TULP4: variants seen among roughly 807,000 people sequenced by gnomAD.
The protein encoded by TULP4 is tubby-related protein 4.
A neutral mutation model predicts 129.0 loss-of-function variants in TULP4; 16 were observed. The observed-to-expected ratio is 0.12, with a 90% CI of 0.08 to 0.19. The LOEUF is 0.19. Among genes scored for constraint, TULP4 ranks in the 10% least tolerant of loss-of-function variants. TULP4 has a pLI of 1.00. For missense variants in TULP4, 1,842 were observed against 2,059.1 expected, an observed-to-expected ratio of 0.89 and a Z score of 2.04; for synonymous variants, 998 against 854.0, an observed-to-expected ratio of 1.17 and a Z score of -2.94.
chr6:158,262,277 G>A (rs1191190965), intron 1 of TULP4, among the ~76,000 whole-genome samples: 2 of 152,186 alleles, frequency 1.3e-5, no homozygotes, highest in African/African-American at 4.8e-5. Context: ...TTTGTAGGTT[G>A]GCGCAGCTTT....
chr6:158,364,866 T>G (rs1425348166), intron 1 of TULP4, among the ~76,000 whole-genome samples: 1 of 151,988 alleles, frequency 6.6e-6, no homozygotes, highest in Non-Finnish European at 1.5e-5. Context: ...CCTTCCGAGT[T>G]GTGGGACTAC....
At chr6:158,244,951 C>T (rs1388804106) in intron 1 of TULP4, among the ~76,000 whole-genome samples, 2 of 152,050 alleles carry the variant, frequency 1.3e-5, no homozygotes, top group Non-Finnish European at 2.9e-5. Flanking sequence ...CTTAAGACAG[C>T]ATTTTTCAGT....
chr6:158,453,790 GAA>G (rs1184468061), intron 5 of TULP4, among the ~76,000 whole-genome samples: 2 of 112,878 alleles, frequency 1.8e-5, no homozygotes, highest in African/African-American at 3.5e-5. Context: ...CTCTGTCTCG[GAA>G]AAAAAAAAAA....
chr6:158,235,562 G>A (rs979719768), intron 1 of TULP4, among the ~76,000 whole-genome samples: 1 of 152,166 alleles, frequency 6.6e-6, no homozygotes, highest in Non-Finnish European at 1.5e-5. Context: ...TGCCCAGGCT[G>A]GTCTTGAACT....
chr6:158,378,603 G>A (rs780214030), intron 1 of TULP4, among the ~76,000 whole-genome samples: 1 of 151,184 alleles, frequency 6.6e-6, no homozygotes, highest in Non-Finnish European at 1.5e-5. Flanking sequence ...CGATTCTCCA[G>A]CCTCCCGAGT....
chr6:158,433,631 A>C (rs1212061363), intron 3 of TULP4, among the ~76,000 whole-genome samples: 1 of 152,190 alleles, frequency 6.6e-6, no homozygotes, highest in Non-Finnish European at 1.5e-5. Context: ...GAATTACTTG[A>C]ACCCAGGAGG....
At chr6:158,233,067 C>T (rs1225282535) in intron 1 of TULP4, among the ~76,000 whole-genome samples, 1 of 152,168 alleles carries the variant, frequency 6.6e-6, no homozygotes, top group African/African-American at 2.4e-5. Flanking sequence ...GAGGTGTCTA[C>T]TTCTTCCTGT....
chr6:158,479,796 T>C lies in TULP4; in HGVS notation c.1072T>C (p.Leu358=), dbSNP rs142094605. The change falls in exon 7 of 14, where the codon TTG becomes CTG. Residue 358 remains leucine (L), a synonymous_variant. Coordinates refer to ENST00000367097, the MANE Select transcript of TULP4 (RefSeq NM_020245.5). ...CTGGGGTCACCGGGATTCGAGGCTG[T>C]TGATGGCATCAGGACCAGCCCTGTA... ...ICWGHRDSRL[L]MASGPALYVV... 1,397 of 1,614,142 alleles carry C rather than the reference T, an allele frequency of 8.7e-4. 20 individuals carry two copies. In the South Asian group the frequency reaches 8.7e-3, roughly 10 times the overall value.
intron 2 of TULP4, among the ~76,000 whole-genome samples, chr6:158,425,012 G>A (rs972997945): frequency 1.3e-5 from 2 of 151,578 alleles, no homozygotes; most frequent in African/African-American, 4.9e-5. Flanking sequence ...AAATTAGCCG[G>A]GCGTGGTGGT....
intron 1 of TULP4, among the ~76,000 whole-genome samples, chr6:158,321,035 A>T (rs1472113892): frequency 6.6e-6 from 1 of 152,106 alleles, no homozygotes; most frequent in African/African-American, 2.4e-5. Flanking sequence ...TAGAATATCA[A>T]TTATTTATTT....
chr6:158,339,920 TGATTGGAGAA>T (rs1780141170), intron 1 of TULP4, among the ~76,000 whole-genome samples: 1 of 152,184 alleles, frequency 6.6e-6, no homozygotes, highest in Non-Finnish European at 1.5e-5. Flanking sequence ...ACAAGAATAT[TGATTGGAGAA>T]GTGATAAATG....
intron 3 of TULP4, among the ~76,000 whole-genome samples, chr6:158,446,857 T>C (rs1258878156): frequency 6.6e-6 from 1 of 152,180 alleles, no homozygotes; most frequent in Non-Finnish European, 1.5e-5. Flanking sequence ...GGGTCTCTCA[T>C]ACTCTTCTTA....
intron 11 of TULP4, among the ~76,000 whole-genome samples, chr6:158,495,984 A>G (rs1780327937): frequency 6.6e-6 from 1 of 152,236 alleles, no homozygotes; most frequent in Non-Finnish European, 1.5e-5. Context: ...AGTAAAAGCC[A>G]GGCCAGAACA....
rs201558806 is a variant in TULP4, at chr6:158,506,673, C to T, written c.4611C>T (p.Asn1537=). ...AGGCCTTTGCAGTTGCCCTGGCCAACGTGACTCAGCGCCTCAAATGAAGAG... is the reference window on the plus strand; with the variant it reads ...AGGCCTTTGCAGTTGCCCTGGCCAATGTGACTCAGCGCCTCAAATGAAGAG... ...AVQAFAVALA[N]VTQRLK is the part of the protein sequence containing the mutation. The change falls in exon 14 of 14, where the codon AAC becomes AAT. Residue 1537 remains asparagine, a synonymous_variant. Transcript: ENST00000367097. 8 of 1,611,912 alleles carry T rather than the reference C, an allele frequency of 5.0e-6. No individual in the cohort carries two copies. Among genetic ancestry groups the T allele is most frequent in the East Asian group, 2.2e-5 (1 of 44,858 alleles).
chr6:158,307,884 A>G (rs1418018067), upstream of TULP4, among the ~76,000 whole-genome samples: 1 of 152,194 alleles, frequency 6.6e-6, no homozygotes, highest in Non-Finnish European at 1.5e-5. Flanking sequence ...AATAAAAAAA[A>G]TCACATTTAT....
chr6:158,411,591 GTAA>G (rs879400708), intron 1 of TULP4, among the ~76,000 whole-genome samples: 4 of 152,184 alleles, frequency 2.6e-5, no homozygotes, highest in Non-Finnish European at 4.4e-5. Context: ...CTTTAAGTGG[GTAA>G]TAATTTCTCT....
At chr6:158,387,592 C>G (rs561048654) in intron 1 of TULP4, among the ~76,000 whole-genome samples, 1 of 152,318 alleles carries the variant, frequency 6.6e-6, no homozygotes, top group East Asian at 1.9e-4. Flanking sequence ...AAGGCATGTT[C>G]TACTTGCTGT....
At chr6:158,401,981 A>G (rs1459747585) in intron 1 of TULP4, among the ~76,000 whole-genome samples, 1 of 152,192 alleles carries the variant, frequency 6.6e-6, no homozygotes, top group Non-Finnish European at 1.5e-5. Flanking sequence ...CACTAGCTCT[A>G]CAAATAAGTG....
At chr6:158,336,572 T>G (rs1780038915) in intron 1 of TULP4, among the ~76,000 whole-genome samples, 2 of 152,208 alleles carry the variant, frequency 1.3e-5, no homozygotes, top group African/African-American at 4.8e-5. Flanking sequence ...AAGAATACTA[T>G]TGGTAAGAAA....
Sources: allele counts gnomAD v4.1 joint callset (sites outside exome capture counted in the v4.1 genomes callset), GRCh38; gene constraint gnomAD v4.1.1; transcripts MANE v1.5; gene names NCBI Gene and HGNC (gene_info 2026-07-23, HGNC 2026-07-21).